ERMARD: variants seen among roughly 807,000 people sequenced by gnomAD.
The protein encoded by ERMARD is ER membrane associated RNA degradation, also known as endoplasmic reticulum membrane-associated RNA degradation protein.
Under a neutral mutation model 83.9 loss-of-function variants are expected in ERMARD, and 71 were observed. The observed-to-expected ratio is 0.85, with a 90% CI of 0.70 to 1.03. The LOEUF (loss-of-function observed/expected upper bound fraction) is 1.03, where lower values mean the gene tolerates loss of function less well. Among genes scored for constraint, ERMARD ranks in the 50% least tolerant of loss-of-function variants. The pLI is 0.00. For synonymous variants in ERMARD, 284 were observed against 298.6 expected (o/e 0.95, Z 0.50); for missense variants, 838 against 810.9 (o/e 1.03, Z -0.41).
chr6:169,775,118 T>C, intron 13 of ERMARD, 152 bp from the exon 14 acceptor site: 1 of 783,418 alleles, frequency 1.3e-6, no homozygotes, highest in South Asian at 1.8e-5. Flanking sequence ...CTGAATGTAC[T>C]GAAGAACTGA....
intron 14 of ERMARD, 118 bp downstream of exon 14, chr6:169,775,464 C>A: frequency 1.8e-6 from 2 of 1,142,300 alleles, no homozygotes; most frequent in Non-Finnish European, 2.5e-6. Context: ...AATTTCTGGG[C>A]CTTGGTGGCT....
intron 14 of ERMARD, 34 bp from the exon 15 acceptor site, chr6:169,775,906 T>G: frequency 1.2e-6 from 2 of 1,611,506 alleles, no homozygotes; most frequent in Non-Finnish European, 1.7e-6. Flanking sequence ...GCACTTTAAT[T>G]GTCACGTATC....
intron 9 of ERMARD, 75 bp downstream of exon 9, chr6:169,762,606 TA>T: frequency 7.9e-7 from 1 of 1,265,508 alleles, no homozygotes; most frequent in Non-Finnish European, 1.1e-6. Flanking sequence ...TAAAAGTTTT[TA>T]AAAATGTTAT....
chr6:169,779,391 T>TAA, intron 17 of ERMARD, 96 bp downstream of exon 17: 1 of 1,086,284 alleles, frequency 9.2e-7, no homozygotes, highest in East Asian at 2.4e-5. Flanking sequence ...TGAGTGACAC[T>TAA]ATCCCCTTGG....
chr6:169,758,517 A>G (rs1451426509), intron 5 of ERMARD, among the ~76,000 whole-genome samples: 2 of 152,244 alleles, frequency 1.3e-5, no homozygotes, highest in Non-Finnish European at 2.9e-5. Flanking sequence ...GCCTCTGTTT[A>G]ACCACACAAT....
At chr6:169,776,417 G>A (rs1793603014) in intron 15 of ERMARD, 38 bp from the exon 16 acceptor site, 1 of 1,598,620 alleles carries the variant, frequency 6.3e-7, no homozygotes, top group Admixed American at 1.7e-5. Context: ...CCCAGGTGAG[G>A]ATCATGATGC....
chr6:169,767,849 C>A, intron 10 of ERMARD: 1 of 518,186 alleles, frequency 1.9e-6, no homozygotes, highest in East Asian at 3.3e-5. Context: ...CACATATACA[C>A]ACCACACATA....
At chr6:169,761,245 C>T (rs1028610802) in intron 8 of ERMARD, among the ~76,000 whole-genome samples, 1 of 152,188 alleles carries the variant, frequency 6.6e-6, no homozygotes, top group Non-Finnish European at 1.5e-5. Flanking sequence ...GAGACTGGGT[C>T]TCACCCTGTC....
At chr6:169,753,534 A>AT (rs1790424335) in intron 1 of ERMARD, among the ~76,000 whole-genome samples, 1 of 149,956 alleles carries the variant, frequency 6.7e-6, no homozygotes. Flanking sequence ...GTGAACTTGT[A>AT]TTTTTTCTTT....
intron 4 of ERMARD, 50 bp from the exon 5 acceptor site, chr6:169,756,669 G>A (rs758130186): frequency 6.7e-7 from 1 of 1,498,082 alleles, no homozygotes; most frequent in East Asian, 2.3e-5. Context: ...TGTTTTTAAT[G>A]TTTATTGGCT....
At chr6:169,751,541 G>C (rs957095759), upstream of ERMARD, 1 of 1,610,684 alleles carries the variant, frequency 6.2e-7, no homozygotes, top group Non-Finnish European at 8.5e-7. Context: ...GAGGGCGGAA[G>C]TCTCCCACCT....
chr6:169,751,688 C>A (rs1285158520), intron 1 of ERMARD, 25 bp downstream of exon 1: 1 of 1,544,848 alleles, frequency 6.5e-7, no homozygotes, highest in Admixed American at 2.0e-5. Context: ...GGGCCCGGTT[C>A]GATCCCGAGC....
chr6:169,752,756 G>GT (rs1790299338), intron 1 of ERMARD, among the ~76,000 whole-genome samples: 1 of 152,098 alleles, frequency 6.6e-6, no homozygotes, highest in African/African-American at 2.4e-5. Context: ...TTCTTTGCAG[G>GT]TTTATACGAT....
intron 1 of ERMARD, 55 bp from the exon 2 acceptor site, chr6:169,753,809 A>G: frequency 7.4e-7 from 1 of 1,346,522 alleles, no homozygotes; most frequent in Non-Finnish European, 9.9e-7. Context: ...GAAATATATA[A>G]TACTCTATTT....
intron 15 of ERMARD, 57 bp downstream of exon 15, chr6:169,776,122 G>A: frequency 6.3e-7 from 1 of 1,594,982 alleles, no homozygotes; most frequent in Admixed American, 1.8e-5. Flanking sequence ...GATTAGCATA[G>A]CAAACTTAGC....
intron 5 of ERMARD, 109 bp from the exon 6 acceptor site, chr6:169,758,859 C>T: frequency 1.0e-6 from 1 of 983,584 alleles, no homozygotes. Flanking sequence ...ATATACTAGC[C>T]AAAACTGTTG....
At chr6:169,768,480 G>A (rs1183622242) in intron 11 of ERMARD, among the ~76,000 whole-genome samples, 2 of 152,184 alleles carry the variant, frequency 1.3e-5, no homozygotes, top group Admixed American at 1.3e-4. Flanking sequence ...CAGTTAGGCC[G>A]GGTGCGGTGG....
chr6:169,776,169 G>T (rs577283037), intron 15 of ERMARD, 104 bp downstream of exon 15: 2 of 1,556,366 alleles, frequency 1.3e-6, no homozygotes, highest in Admixed American at 3.6e-5. Flanking sequence ...CTTGGTAGTA[G>T]TCTTAGAATC....
chr6:169,751,786 C>T, intron 1 of ERMARD, 123 bp downstream of exon 1: 1 of 1,331,830 alleles, frequency 7.5e-7, no homozygotes, highest in South Asian at 1.6e-5. Context: ...GGCGGTCCCG[C>T]GCTGGAGGGC....
Sources: gnomAD v4.1 joint callset for allele counts (sites outside exome capture counted in the v4.1 genomes callset) on GRCh38, gnomAD v4.1.1 for gene constraint, MANE v1.5 for transcripts, NCBI Gene and HGNC (gene_info 2026-07-23, HGNC 2026-07-21) for gene names.